The following GRM8 variants were observed in gnomAD, a reference collection of about 807,000 sequenced individuals.
GRM8 encodes metabotropic glutamate receptor 8.
A neutral mutation model predicts 87.2 loss-of-function variants in GRM8; 47 were observed. The ratio of observed to expected loss-of-function variants is 0.54; its 90% CI spans 0.43 to 0.69. The LOEUF (loss-of-function observed/expected upper bound fraction) is 0.69, where lower values mean the gene tolerates loss of function less well. Ranked by LOEUF, GRM8 falls within the 30% of genes least tolerant of loss-of-function variation. The pLI is 0.00. For synonymous variants in GRM8, 396 were observed against 404.5 expected (o/e 0.98, Z 0.25); for missense variants, 1,019 against 1,139.2 (o/e 0.89, Z 1.52).
chr7:126,808,379 T>C (rs1792975320), intron 6 of GRM8, among the ~76,000 whole-genome samples: 1 of 152,040 alleles, frequency 6.6e-6, no homozygotes, highest in Non-Finnish European at 1.5e-5. Flanking sequence ...TCATGCAAAA[T>C]AAACACCAAG....
At chr7:126,504,612 C>G (rs1810159505) in intron 9 of GRM8, among the ~76,000 whole-genome samples, 1 of 151,930 alleles carries the variant, frequency 6.6e-6, no homozygotes, top group East Asian at 1.9e-4. Context: ...CACAATTTAC[C>G]TATATAACAA....
chr7:127,180,454 T>A (rs1249343440), intron 2 of GRM8, among the ~76,000 whole-genome samples: 1 of 152,036 alleles, frequency 6.6e-6, no homozygotes, highest in African/African-American at 2.4e-5. Flanking sequence ...TTTGACACTA[T>A]TCCACAAGAC....
intron 3 of GRM8, among the ~76,000 whole-genome samples, chr7:126,933,713 T>C (rs1805996792): frequency 6.6e-6 from 1 of 152,214 alleles, no homozygotes. Context: ...CATAATGTTA[T>C]TGTAAAGATT....
At chr7:127,231,554 C>A (rs930162098) in intron 2 of GRM8, among the ~76,000 whole-genome samples, 1 of 152,172 alleles carries the variant, frequency 6.6e-6, no homozygotes, top group Non-Finnish European at 1.5e-5. Flanking sequence ...AATGTGACTT[C>A]TAGAACAAGT....
intron 2 of GRM8, among the ~76,000 whole-genome samples, chr7:127,149,584 TCACCACTTTGTAAAGA>T (rs1292304760): frequency 1.3e-5 from 2 of 152,078 alleles, no homozygotes; most frequent in Non-Finnish European, 2.9e-5. Flanking sequence ...GGAAATAAAA[TCACCACTTTGTAAAGA>T]CATCTGCACT....
At chr7:127,186,475 T>C (rs977601623) in intron 2 of GRM8, among the ~76,000 whole-genome samples, 4 of 152,090 alleles carry the variant, frequency 2.6e-5, no homozygotes, top group African/African-American at 9.7e-5. Context: ...CAAGAGTATT[T>C]ATCTTTTGAA....
intron 2 of GRM8, among the ~76,000 whole-genome samples, chr7:127,227,899 GTGC>G (rs1223093339): frequency 1.3e-5 from 2 of 152,174 alleles, no homozygotes. Flanking sequence ...CACCATGGGT[GTGC>G]TGGCCAGCCC....
intron 6 of GRM8, among the ~76,000 whole-genome samples, chr7:126,840,637 A>C (rs989539115): frequency 7.2e-5 from 11 of 152,154 alleles, no homozygotes; most frequent in Non-Finnish European, 1.5e-4. Context: ...TATTGTGCAA[A>C]CTTTCCCAAA....
chr7:126,816,515 A>G (rs1793798975), intron 6 of GRM8, among the ~76,000 whole-genome samples: 1 of 152,142 alleles, frequency 6.6e-6, no homozygotes, highest in African/African-American at 2.4e-5. Flanking sequence ...CTGATATTCA[A>G]TATATATCTA....
chr7:126,963,840 A>G (rs1809561254), intron 3 of GRM8, among the ~76,000 whole-genome samples: 1 of 152,196 alleles, frequency 6.6e-6, no homozygotes, highest in Non-Finnish European at 1.5e-5. Flanking sequence ...GGAACCAAAA[A>G]AGAGCCCACA....
chr7:126,530,340 G>A (rs1814596357), intron 9 of GRM8, among the ~76,000 whole-genome samples: 1 of 152,234 alleles, frequency 6.6e-6, no homozygotes, highest in African/African-American at 2.4e-5. Flanking sequence ...CACAGCTGCA[G>A]AATGCACAGT....
At chr7:127,181,983 G>A (rs1794463245) in intron 2 of GRM8, among the ~76,000 whole-genome samples, 1 of 151,706 alleles carries the variant, frequency 6.6e-6, no homozygotes, top group Non-Finnish European at 1.5e-5. Flanking sequence ...TAAAAACAAA[G>A]ATAAATAGCT....
intron 7 of GRM8, among the ~76,000 whole-genome samples, chr7:126,726,881 T>A (rs1813047961): frequency 6.6e-6 from 1 of 152,056 alleles, no homozygotes. Context: ...AAAAAACCAT[T>A]TCTGGTTTGC....
chr7:126,802,180 G>A (rs1455990980), intron 6 of GRM8, among the ~76,000 whole-genome samples: 1 of 152,028 alleles, frequency 6.6e-6, no homozygotes, highest in African/African-American at 2.4e-5. Flanking sequence ...TGTCTTTTTT[G>A]TGGTTAGAAC....
At chr7:126,809,785 G>A (rs1793122009) in intron 6 of GRM8, among the ~76,000 whole-genome samples, 1 of 152,066 alleles carries the variant, frequency 6.6e-6, no homozygotes. Flanking sequence ...TTCACCTGGG[G>A]AGTGCAACAA....
intron 8 of GRM8, among the ~76,000 whole-genome samples, chr7:126,560,264 T>C (rs927777212): frequency 6.6e-6 from 1 of 152,220 alleles, no homozygotes; most frequent in Non-Finnish European, 1.5e-5. Context: ...AGATTTCTAA[T>C]TATAACTCAT....
chr7:126,871,955 T>C (rs549679333), intron 6 of GRM8, among the ~76,000 whole-genome samples: 4 of 152,204 alleles, frequency 2.6e-5, no homozygotes, highest in Non-Finnish European at 5.9e-5. Context: ...TCATAAGATG[T>C]CTTACGTTTG....
intron 3 of GRM8, among the ~76,000 whole-genome samples, chr7:127,026,136 AT>A (rs1816754318): frequency 6.6e-6 from 1 of 151,902 alleles, no homozygotes; most frequent in Non-Finnish European, 1.5e-5. Flanking sequence ...TTTGCTGAGA[AT>A]GGTTTCCAGC....
chr7:127,246,275 T>C (rs1798579166), intron 1 of GRM8, among the ~76,000 whole-genome samples: 1 of 152,238 alleles, frequency 6.6e-6, no homozygotes, highest in South Asian at 2.1e-4. Context: ...TCCAAGCTCA[T>C]CCTAGTGGAG....
Sources: gnomAD v4.1 joint callset for allele counts (sites outside exome capture counted in the v4.1 genomes callset) on GRCh38, gnomAD v4.1.1 for gene constraint, MANE v1.5 for transcripts, NCBI Gene and HGNC (gene_info 2026-07-23, HGNC 2026-07-21) for gene names.